Variants in TBC1D32 observed in about 807,000 individuals in gnomAD.
TBC1D32 encodes protein broad-minded.
A neutral mutation model predicts 170.3 loss-of-function variants in TBC1D32; 151 were observed. The ratio of observed to expected loss-of-function variants is 0.89; its 90% CI spans 0.78 to 1.01. The LOEUF (loss-of-function observed/expected upper bound fraction) is 1.01, where lower values mean the gene tolerates loss of function less well. TBC1D32 is among the 50% of genes least tolerant of loss of function. The pLI, the probability that TBC1D32 is intolerant of heterozygous loss-of-function variation, is 0.00. For missense variants in TBC1D32, 1,464 were observed against 1,457.1 expected, an observed-to-expected ratio of 1.00 and a Z score of -0.08; for synonymous variants, 498 against 488.0, an observed-to-expected ratio of 1.02 and a Z score of -0.27.
In TBC1D32 at chr6:121,198,669, T is replaced by A. The variant is rs578192400; in HGVS notation, c.2570+6406A>T. ...GGGAGGCTGAGGCAGGAGAATGGCA[T>A]GAACCCGGGAGGCGGAGCTTGCAGT... is the stretch of plus-strand genomic sequence containing the variant. On this transcript the variant is annotated intron_variant, in intron 22 of 31. Coordinates refer to ENST00000398212, the MANE Select transcript of TBC1D32 (RefSeq NM_152730.6). Among the ~76,000 whole-genome samples the A allele has an allele frequency of 3.3e-5, 5 of 151,062 alleles. No homozygotes were observed. The South Asian group carries it at 1.0e-3, about 31-fold the overall frequency.
intron 30 of TBC1D32, among the ~76,000 whole-genome samples, chr6:121,100,336 C>CA (rs1287436897): frequency 7.2e-5 from 11 of 151,910 alleles, no homozygotes; most frequent in African/African-American, 2.7e-4. Flanking sequence ...AACTTTCTGT[C>CA]TCATTGATCT....
intron 9 of TBC1D32, among the ~76,000 whole-genome samples, chr6:121,301,300 A>G (rs1039959330): frequency 6.6e-6 from 1 of 152,116 alleles, no homozygotes; most frequent in South Asian, 2.1e-4. Context: ...CAAATGCCCA[A>G]TGATAGACTG....
At chr6:121,090,106 G>C (rs1340745784) in intron 31 of TBC1D32, among the ~76,000 whole-genome samples, 1 of 151,996 alleles carries the variant, frequency 6.6e-6, no homozygotes, top group Non-Finnish European at 1.5e-5. Flanking sequence ...CTAATTTTTT[G>C]TATTTTTGGT....
intron 29 of TBC1D32, among the ~76,000 whole-genome samples, chr6:121,112,107 A>G (rs1039428924): frequency 6.6e-6 from 1 of 152,156 alleles, no homozygotes; most frequent in African/African-American, 2.4e-5. Context: ...TTTTCTATAG[A>G]AAATAGTTAC....
Position 121,129,633 on chromosome 6 carries a change from T to C in TBC1D32, c.2899+1994A>G, listed in dbSNP as rs150390010. ...ATTTTCCTAAAATAAACATGTTAGA[T>C]AATTGTCCAGTTGCTAAATGATGAA... On this transcript the variant is annotated intron_variant, in intron 25 of 31. Transcript: ENST00000398212. Among the ~76,000 whole-genome samples, 6 of 152,326 alleles carry C rather than the reference T, an allele frequency of 3.9e-5. No individual in the cohort carries two copies. In the East Asian group the frequency reaches 1.2e-3, roughly 29 times the overall value.
chr6:121,161,638 A>G (rs1198611902), intron 22 of TBC1D32, among the ~76,000 whole-genome samples: 1 of 152,178 alleles, frequency 6.6e-6, no homozygotes, highest in Non-Finnish European at 1.5e-5. Flanking sequence ...TAGTGCTGCA[A>G]TGAACATAAG....
At chr6:121,111,474 A>G (rs756711047) in intron 29 of TBC1D32, among the ~76,000 whole-genome samples, 2 of 152,184 alleles carry the variant, frequency 1.3e-5, no homozygotes, top group Non-Finnish European at 2.9e-5. Context: ...TAGATTTTTT[A>G]AAATCTTCAA....
chr6:121,292,651 A>G (rs1318094735), intron 11 of TBC1D32, among the ~76,000 whole-genome samples: 2 of 151,626 alleles, frequency 1.3e-5, no homozygotes, highest in African/African-American at 4.8e-5. Flanking sequence ...TTTGTCATTC[A>G]CATATATATA....
chr6:121,259,561 T>A (rs1799499088), intron 15 of TBC1D32, among the ~76,000 whole-genome samples: 1 of 151,920 alleles, frequency 6.6e-6, no homozygotes, highest in Non-Finnish European at 1.5e-5. Context: ...ATACTAAAAT[T>A]CAAAGTAAAA....
chr6:121,179,622 T>A (rs1393671230), intron 22 of TBC1D32, among the ~76,000 whole-genome samples: 1 of 152,082 alleles, frequency 6.6e-6, no homozygotes, highest in Non-Finnish European at 1.5e-5. Context: ...AGGATGAGAA[T>A]GTTAAATATT....
At chr6:121,188,439 T>C (rs1345754740) in intron 22 of TBC1D32, among the ~76,000 whole-genome samples, 1 of 152,146 alleles carries the variant, frequency 6.6e-6, no homozygotes, top group African/African-American at 2.4e-5. Context: ...GACATTATAA[T>C]GGAAGCTTTT....
At chr6:121,315,787 G>A (rs1161832666) in intron 3 of TBC1D32, among the ~76,000 whole-genome samples, 1 of 152,046 alleles carries the variant, frequency 6.6e-6, no homozygotes, top group East Asian at 1.9e-4. Flanking sequence ...TCAGCTATAT[G>A]AAAGAGAGTC....
intron 2 of TBC1D32, among the ~76,000 whole-genome samples, chr6:121,320,383 A>T (rs1809551430): frequency 6.6e-6 from 1 of 152,106 alleles, no homozygotes; most frequent in Admixed American, 6.6e-5. Context: ...AGGAAAATCA[A>T]ATAGCTTAAG....
intron 24 of TBC1D32, among the ~76,000 whole-genome samples, chr6:121,134,946 A>G (rs1232601047): frequency 1.4e-5 from 2 of 146,944 alleles, no homozygotes; most frequent in African/African-American, 2.6e-5. Context: ...AGCCATAGGC[A>G]GACAGAGACA....
intron 3 of TBC1D32, among the ~76,000 whole-genome samples, chr6:121,313,611 T>C (rs940074157): frequency 6.6e-5 from 10 of 152,134 alleles, no homozygotes; most frequent in African/African-American, 2.4e-4. Context: ...CTAGCTATCT[T>C]TCCCTTTCAC....
At chr6:121,154,885 T>C (rs975164905) in intron 24 of TBC1D32, among the ~76,000 whole-genome samples, 8 of 152,188 alleles carry the variant, frequency 5.3e-5, no homozygotes, top group Admixed American at 2.0e-4. Flanking sequence ...ACCAGTACCA[T>C]GCCATGTTGG....
intron 20 of TBC1D32, among the ~76,000 whole-genome samples, chr6:121,234,348 A>G (rs1411109750): frequency 6.6e-6 from 1 of 152,104 alleles, no homozygotes; most frequent in Non-Finnish European, 1.5e-5. Flanking sequence ...GGGAACACCA[A>G]TTATTCTTAG....
At chr6:121,231,381 T>C (rs1562996224) in intron 20 of TBC1D32, among the ~76,000 whole-genome samples, 1 of 152,214 alleles carries the variant, frequency 6.6e-6, no homozygotes, top group Admixed American at 6.5e-5. Flanking sequence ...GCTATGAACA[T>C]GCATTTGCAA....
At chr6:121,279,667 CAT>C (rs752069722) in intron 14 of TBC1D32, among the ~76,000 whole-genome samples, 44 of 152,028 alleles carry the variant, frequency 2.9e-4, no homozygotes, top group African/African-American at 6.5e-4. Context: ...CTCTTACACA[CAT>C]GTTTGCGTCA....
Sources: allele counts gnomAD v4.1 joint callset (sites outside exome capture counted in the v4.1 genomes callset), GRCh38; gene constraint gnomAD v4.1.1; transcripts MANE v1.5; gene names NCBI Gene and HGNC (gene_info 2026-07-23, HGNC 2026-07-21).